Variants in SIPA1L1 observed in about 807,000 individuals in gnomAD.
SIPA1L1 encodes the protein signal induced proliferation associated 1 like 1.
A neutral mutation model predicts 162.7 loss-of-function variants in SIPA1L1; 26 were observed. That is an observed-to-expected ratio of 0.16 (90% CI 0.12 to 0.22). The LOEUF (loss-of-function observed/expected upper bound fraction) is 0.22, where lower values mean the gene tolerates loss of function less well. Ranked by LOEUF, SIPA1L1 falls within the 10% of genes least tolerant of loss-of-function variation. The pLI, the probability that SIPA1L1 is intolerant of heterozygous loss-of-function variation, is 1.00. For missense variants in SIPA1L1, 1,874 were observed against 2,241.0 expected (o/e 0.84, Z 3.31); for synonymous variants, 829 against 837.4 (o/e 0.99, Z 0.17).
chr14:71,621,118 A>G (rs1368164055), intron 6 of SIPA1L1, among the ~76,000 whole-genome samples: 1 of 152,184 alleles, frequency 6.6e-6, no homozygotes, highest in Admixed American at 6.5e-5. Context: ...CCAGAGCTCA[A>G]CTACTTCTCC....
chr14:71,509,874 A>G (rs2050979911), intron 2 of SIPA1L1, among the ~76,000 whole-genome samples: 1 of 152,166 alleles, frequency 6.6e-6, no homozygotes, highest in Non-Finnish European at 1.5e-5. Context: ...AGAGACAGGA[A>G]CTTCCGTATC....
chr14:71,408,875 G>T (rs1253780225), intron 2 of SIPA1L1, among the ~76,000 whole-genome samples: 1 of 152,160 alleles, frequency 6.6e-6, no homozygotes, highest in South Asian at 2.1e-4. Flanking sequence ...CTTATTAGTT[G>T]TGTGACCACA....
intron 4 of SIPA1L1, among the ~76,000 whole-genome samples, chr14:71,581,349 T>C (rs1197767718): frequency 6.6e-6 from 1 of 152,208 alleles, no homozygotes; most frequent in Non-Finnish European, 1.5e-5. Context: ...GAGGCTTTAA[T>C]AGAGCAACAT....
intron 5 of SIPA1L1, among the ~76,000 whole-genome samples, chr14:71,601,128 A>T (rs1052661642): frequency 3.9e-5 from 6 of 151,990 alleles, no homozygotes; most frequent in African/African-American, 1.2e-4. Flanking sequence ...TGAACTTCCA[A>T]TACTGTATTG....
chr14:71,707,746 A>G (rs546728362), intron 16 of SIPA1L1, among the ~76,000 whole-genome samples: 2 of 152,010 alleles, frequency 1.3e-5, no homozygotes, highest in East Asian at 3.9e-4. Context: ...CTTTTTGACT[A>G]TTATGAATAA....
intron 5 of SIPA1L1, among the ~76,000 whole-genome samples, chr14:71,597,596 T>C (rs2036194969): frequency 6.6e-6 from 1 of 151,700 alleles, no homozygotes; most frequent in Admixed American, 6.6e-5. Flanking sequence ...CCCTGTGGAG[T>C]AAAGGAGCAA....
At chr14:71,584,125 A>G (rs1334073025) in intron 4 of SIPA1L1, among the ~76,000 whole-genome samples, 1 of 152,144 alleles carries the variant, frequency 6.6e-6, no homozygotes, top group Non-Finnish European at 1.5e-5. Context: ...CATAGACACC[A>G]CCTTTTCAAT....
intron 4 of SIPA1L1, among the ~76,000 whole-genome samples, chr14:71,567,678 C>A (rs1379166485): frequency 6.7e-6 from 1 of 148,552 alleles, no homozygotes; most frequent in Non-Finnish European, 1.5e-5. Context: ...CCATATAGGG[C>A]AACTTCCAGA....
chr14:71,644,791 T>C (rs1434519780), intron 7 of SIPA1L1, among the ~76,000 whole-genome samples: 1 of 152,210 alleles, frequency 6.6e-6, no homozygotes, highest in Non-Finnish European at 1.5e-5. Context: ...TGAGTTGTTT[T>C]TCCTGAAGTA....
Position 71,589,106 on chromosome 14 carries a change from A to T in SIPA1L1, c.1234A>T (p.Met412Leu). 1 of 1,614,134 alleles carries T rather than the reference A, an allele frequency of 6.2e-7. No individual in the cohort carries two copies. The highest frequency in any genetic ancestry group is 8.5e-7 in the Non-Finnish European group (1 of 1,179,976). ...QGDDKSNELV[M>L]SCPYFRNEIG... is the part of the protein sequence containing the mutation. The stretch of plus-strand genomic sequence containing the variant: ...AGATGATAAAAGCAATGAGCTTGTA[A>T]TGAGCTGTCCATATTTTCGGAATGA... The change falls in exon 5 of 24, where the codon ATG becomes TTG. Residue 412 changes from methionine to leucine, a missense_variant. Around this residue, in one of 5 missense-constraint regions of SIPA1L1, gnomAD observed 685 missense variants for 828.0 expected, o/e 0.83. Transcript: ENST00000381232.
chr14:71,377,783 C>T lies in SIPA1L1; in HGVS notation c.-465+56602C>T, dbSNP rs766371513. ...CGAGTTCAGGAGCTGGAGACCAGTC[C>T]GGCCAACACGGCGAAACCCCGTCTC... On this transcript the variant is annotated intron_variant, in intron 2 of 23. Transcript: ENST00000381232. The surrounding 1 kb of genome is among the most constrained non-coding windows in gnomAD (Gnocchi z 4.8). Among the ~76,000 whole-genome samples, 21 of 152,150 alleles carry T rather than the reference C, an allele frequency of 1.4e-4. No individual in the cohort carries two copies. Among genetic ancestry groups the T allele is most frequent in the Non-Finnish European group, 2.4e-4 (16 of 68,028 alleles).
intron 4 of SIPA1L1, among the ~76,000 whole-genome samples, chr14:71,556,814 T>C (rs767951951): frequency 1.3e-5 from 2 of 152,064 alleles, no homozygotes; most frequent in African/African-American, 2.4e-5. Context: ...GAAATGTGAT[T>C]GGACAAAAAG....
intron 20 of SIPA1L1, among the ~76,000 whole-genome samples, chr14:71,730,532 T>G (rs983339858): frequency 3.3e-5 from 5 of 152,210 alleles, no homozygotes; most frequent in Non-Finnish European, 7.3e-5. Context: ...CAAGACCTCC[T>G]GAGTTTGAAT....
At chr14:71,610,615 T>G (rs2038095611) in intron 5 of SIPA1L1, among the ~76,000 whole-genome samples, 3 of 152,246 alleles carry the variant, frequency 2.0e-5, no homozygotes, top group Admixed American at 2.0e-4. Flanking sequence ...CTCATGATTC[T>G]GCTAATCTTC....
intron 2 of SIPA1L1, among the ~76,000 whole-genome samples, chr14:71,340,429 G>A (rs1237530196): frequency 6.6e-6 from 1 of 151,984 alleles, no homozygotes; most frequent in Non-Finnish European, 1.5e-5. Context: ...TCTGTGTTAG[G>A]TTCTTTACTT....
At chr14:71,425,522 A>C (rs1180699454) in intron 2 of SIPA1L1, among the ~76,000 whole-genome samples, 1 of 152,130 alleles carries the variant, frequency 6.6e-6, no homozygotes, top group Admixed American at 6.5e-5. Flanking sequence ...GTTTTGTGGA[A>C]ATAGTTTTAC....
At chr14:71,659,860 G>A (rs564033179) in intron 9 of SIPA1L1, among the ~76,000 whole-genome samples, 1 of 151,934 alleles carries the variant, frequency 6.6e-6, no homozygotes, top group Admixed American at 6.6e-5. Context: ...GAATGAGAAA[G>A]AAATTGGTAC....
intron 3 of SIPA1L1, among the ~76,000 whole-genome samples, chr14:71,516,085 A>C (rs2051698714): frequency 6.6e-6 from 1 of 152,216 alleles, no homozygotes; most frequent in African/African-American, 2.4e-5. Flanking sequence ...GGTGGTTACT[A>C]GGCCTCTAAG....
At chr14:71,724,897 A>G in intron 19 of SIPA1L1, 62 bp downstream of exon 19, 2 of 1,439,820 alleles carry the variant, frequency 1.4e-6, no homozygotes, top group South Asian at 1.2e-5. Flanking sequence ...TGGGGCTATT[A>G]ACCATAGTCA....
Sources: gnomAD v4.1 joint callset for allele counts (sites outside exome capture counted in the v4.1 genomes callset) on GRCh38, gnomAD v4.1.1 for gene constraint, gnomAD v4.1.1 regional missense constraint, Gnocchi (gnomAD v3.1) non-coding constraint, MANE v1.5 for transcripts, NCBI Gene and HGNC (gene_info 2026-07-23, HGNC 2026-07-21) for gene names.